The following ADSL variants were observed in gnomAD, a reference collection of about 807,000 sequenced individuals.
The protein encoded by ADSL is adenylosuccinate lyase, also known as adenylosuccinase.
Under a neutral mutation model 62.1 loss-of-function variants are expected in ADSL, and 44 were observed. That is an observed-to-expected ratio of 0.71 (90% CI 0.56 to 0.91). The LOEUF (loss-of-function observed/expected upper bound fraction) is 0.91, where lower values mean the gene tolerates loss of function less well. Among genes scored for constraint, ADSL ranks in the 40% least tolerant of loss-of-function variants. The pLI, the probability that ADSL is intolerant of heterozygous loss-of-function variation, is 0.00. For synonymous variants in ADSL, 198 were observed against 220.5 expected (o/e 0.90, Z 0.90); for missense variants, 531 against 627.4 (o/e 0.85, Z 1.64).
intron 6 of ADSL, 146 bp from the exon 7 acceptor site, chr22:40,360,256 T>G (rs1278282096): frequency 1.4e-5 from 9 of 656,122 alleles, no homozygotes; most frequent in Non-Finnish European, 2.2e-5. Context: ...TATAAGAGTC[T>G]CCCAGTGATG....
chr22:40,362,315 T>C (rs1036117953), intron 9 of ADSL, among the ~76,000 whole-genome samples: 4 of 152,240 alleles, frequency 2.6e-5, no homozygotes, highest in Admixed American at 2.6e-4. Flanking sequence ...TTCTGGGATC[T>C]GTGCATAATC....
chr22:40,364,300 G>C lies in ADSL; in HGVS notation c.1126G>C (p.Glu376Gln). ...PKVIERRIRQ[E>Q]LPFMATENII... ...GGTAATTGAACGGCGCATTCGGCAA[G>C]AGCTGCCTTTCATGGCCACAGAGAA... The change falls in exon 11 of 13, where the codon GAG (glutamate) becomes CAG (glutamine). Residue 376 changes from glutamate (E) to glutamine (Q), a missense_variant. Transcript: ENST00000623063. 6.2e-7 allele frequency: 1 copy of C among 1,614,076 alleles called. No individual in the cohort carries two copies.
chr22:40,372,696 CTT>C (rs1168505991), downstream of ADSL: 5 of 152,208 alleles, frequency 3.3e-5, no homozygotes, highest in Non-Finnish European at 1.5e-5. Context: ...ATAATCATCT[CTT>C]TTATTTTACA....
At chr22:40,364,178 T>TA (rs1333066479) in intron 10 of ADSL, 98 bp from the exon 11 acceptor site, 3 of 871,924 alleles carry the variant, frequency 3.4e-6, no homozygotes, top group African/African-American at 1.7e-5. Context: ...ATGTGGTAGT[T>TA]AGTGTCTGTG....
Position 40,346,630 on chromosome 22 carries a change from G to A in ADSL, c.72G>A (p.Pro24=), listed in dbSNP as rs1279175740. 3.1e-6 allele frequency: 5 copies of A among 1,611,674 alleles called. No homozygotes were observed. In the East Asian group the frequency reaches 8.9e-5, roughly 29 times the overall value. ...CTCTTGCCTCCCGCTATGCCAGCCC[G>A]GAGATGTGCTTCGTGTTTAGCGACA... ...RSPLASRYAS[P]EMCFVFSDRY... The change falls in exon 1 of 13, where the codon CCG becomes CCA. Residue 24 remains proline, a synonymous_variant. Coordinates refer to ENST00000623063, the MANE Select transcript of ADSL (RefSeq NM_000026.4).
chr22:40,362,577 C>T (rs2075764), intron 9 of ADSL, among the ~76,000 whole-genome samples: 28,380 of 152,114 alleles, frequency 0.19, 3,205 homozygotes, highest in Admixed American at 0.37. Flanking sequence ...GAGTCGAAGG[C>T]AGACTGGCCA....
chr22:40,381,928 C>G (rs1601789215), intron 2 of ADSL, among the ~76,000 whole-genome samples: 1 of 152,156 alleles, frequency 6.6e-6, no homozygotes, highest in Admixed American at 6.5e-5. Context: ...CCACTGCACT[C>G]CAGCCTGGCA....
At chr22:40,353,741 T>A in intron 3 of ADSL, 1 of 258,186 alleles carries the variant, frequency 3.9e-6, no homozygotes, top group Non-Finnish European at 7.4e-6. Context: ...TTCTCCTGCC[T>A]CAGCCTCCCG....
downstream of ADSL, chr22:40,370,661 A>G (rs1187419421): frequency 6.6e-6 from 1 of 152,340 alleles, no homozygotes; most frequent in Non-Finnish European, 1.5e-5. Flanking sequence ...CCCGACCCGG[A>G]TTGGCGCTGA....
In ADSL at chr22:40,368,985, T is replaced by A. The variant is rs1429790469; in HGVS notation, c.*2463T>A. The A allele has an allele frequency of 6.6e-6, 1 of 152,204 alleles. No individual in the cohort carries two copies. 9.4% of individuals were successfully genotyped at this position (152,204 alleles called of 1,614,324 possible). On this transcript the variant is annotated 3_prime_UTR_variant, in exon 13 of 13. Coordinates refer to ENST00000623063, the MANE Select transcript of ADSL (RefSeq NM_000026.4). Reference sequence around the variant, plus strand: ...AGTCTGACACAAGGAAATTAAGTCATGGGACTCTGACCAGATATTCTGTCT... The same window carrying A: ...AGTCTGACACAAGGAAATTAAGTCAAGGGACTCTGACCAGATATTCTGTCT...
At chr22:40,356,671 C>A (rs1430388959) in intron 4 of ADSL, among the ~76,000 whole-genome samples, 1 of 151,692 alleles carries the variant, frequency 6.6e-6, no homozygotes, top group Non-Finnish European at 1.5e-5. Context: ...ATAGGGAGAC[C>A]ATGGCTCTTA....
chr22:40,359,411 G>GTTC (rs1444642928), intron 6 of ADSL, 105 bp downstream of exon 6: 1 of 883,094 alleles, frequency 1.1e-6, no homozygotes, highest in African/African-American at 2.1e-5. Flanking sequence ...TTCTTCCTTT[G>GTTC]TTCTTCTACC....
intron 4 of ADSL, among the ~76,000 whole-genome samples, chr22:40,357,198 G>A (rs1252462843): frequency 6.7e-6 from 1 of 148,380 alleles, no homozygotes; most frequent in Non-Finnish European, 1.5e-5. Flanking sequence ...ACCTGGCCTC[G>A]TAATTATGTT....
chr22:40,387,199 T>C (rs2048613046), intron 2 of ADSL: 1 of 398,620 alleles, frequency 2.5e-6, no homozygotes, highest in Non-Finnish European at 4.4e-6. Context: ...TAACACATAT[T>C]ATTTTTCCTT....
Position 40,353,088 on chromosome 22 carries a change from A to T in ADSL, c.373A>T (p.Arg125Ter). The change falls in exon 3 of 13, where the codon AGA becomes TGA. Residue 125 changes from arginine (R) to a stop codon, truncating the protein, a stop_gained. Transcript: ENST00000623063. LOFTEE classifies it high-confidence loss of function. ...TCTTTCGTAGGACTTGATTATTCTT[A>T]GAAATGCACTTGACCTGCTTTTGCC... is the stretch of plus-strand genomic sequence containing the variant. ...VGDNTDLIILRNALDLLLPKL... is the reference protein window; with the variant it reads ...VGDNTDLIIL 6.2e-7 allele frequency: 1 copy of T among 1,613,922 alleles called. No individual in the cohort carries two copies. The highest frequency in any genetic ancestry group is 1.1e-5 in the South Asian group (1 of 91,078).
downstream of ADSL, among the ~76,000 whole-genome samples, chr22:40,371,186 A>G (rs558993713): frequency 1.1e-4 from 17 of 152,322 alleles, no homozygotes; most frequent in African/African-American, 3.8e-4. Context: ...GTGTGTTTGC[A>G]TTTTAGCACG....
chr22:40,369,243 TTGAA>T lies in ADSL; in HGVS notation c.*2724_*2727del, dbSNP rs1203206639. ...TTGACCTGGTTTCTTCCTGGACTAT[TTGAA>T]TGGGTGGATTTGTTGGTGCATCTCT... On this transcript the variant is annotated 3_prime_UTR_variant, in exon 13 of 13. Coordinates refer to ENST00000623063, the MANE Select transcript of ADSL (RefSeq NM_000026.4). The T allele has an allele frequency of 6.6e-6, 1 of 152,142 alleles. No homozygotes were observed. Among genetic ancestry groups the T allele is most frequent in the African/African-American group, 2.4e-5 (1 of 41,416 alleles). The allele number at this position is 152,142 out of a possible 1,614,324, so 9.4% of individuals were successfully genotyped here. A position where few individuals can be genotyped will look rare whatever the true frequency, so the allele number is the denominator to read the frequency against.
chr22:40,381,450 C>T (rs2047568379), intron 2 of ADSL, among the ~76,000 whole-genome samples: 1 of 152,178 alleles, frequency 6.6e-6, no homozygotes, highest in African/African-American at 2.4e-5. Context: ...TGCCCGGCTA[C>T]AAGGCATTTT....
chr22:40,383,853 AG>A (rs1601815829), intron 2 of ADSL, among the ~76,000 whole-genome samples: 1 of 152,314 alleles, frequency 6.6e-6, no homozygotes, highest in East Asian at 1.9e-4. Context: ...GAAAAGTGGC[AG>A]GGAGGGTCTG....
Sources: gnomAD v4.1 joint callset for allele counts (sites outside exome capture counted in the v4.1 genomes callset) on GRCh38, gnomAD v4.1.1 for gene constraint, MANE v1.5 for transcripts, NCBI Gene and HGNC (gene_info 2026-07-23, HGNC 2026-07-21) for gene names.